Variants in BBX observed in about 807,000 individuals in gnomAD.
BBX encodes BBX high mobility group box domain containing, also known as HMG box transcription factor BBX.
BBX carries 30 observed loss-of-function variants against 100.2 expected under a neutral mutation model. The ratio of observed to expected loss-of-function variants is 0.30; its 90% CI spans 0.22 to 0.41. BBX has a LOEUF of 0.41. BBX is among the 10% of genes least tolerant of loss of function. The pLI, the probability that BBX is intolerant of heterozygous loss-of-function variation, is 1.00. For missense variants in BBX, 1,023 were observed against 1,129.8 expected (o/e 0.91, Z 1.35); for synonymous variants, 376 against 388.1 (o/e 0.97, Z 0.37).
chr3:107,737,263 A>G (rs1467135606), intron 7 of BBX, among the ~76,000 whole-genome samples: 1 of 151,494 alleles, frequency 6.6e-6, no homozygotes, highest in Non-Finnish European at 1.5e-5. Context: ...CATTTCTCCC[A>G]CAGGCTGATA....
chr3:107,675,496 G>T (rs1473762662), intron 3 of BBX, among the ~76,000 whole-genome samples: 1 of 152,098 alleles, frequency 6.6e-6, no homozygotes, highest in Non-Finnish European at 1.5e-5. Flanking sequence ...CAAAACCACT[G>T]ATCTGGATTG....
At chr3:107,733,100 C>A (rs1158822337) in intron 7 of BBX, 77 bp downstream of exon 7, 3 of 1,275,358 alleles carry the variant, frequency 2.4e-6, no homozygotes, top group South Asian at 1.3e-5. Flanking sequence ...TTACGTTGTT[C>A]ATTCTGCATT....
chr3:107,632,077 T>TTTG (rs34759490), intron 2 of BBX, among the ~76,000 whole-genome samples: 5 of 151,222 alleles, frequency 3.3e-5, no homozygotes, highest in Admixed American at 6.6e-5. Flanking sequence ...AAATGCTTTT[T>TTTG]TTGTTGTTGT....
Position 107,778,359 on chromosome 3 carries a change from C to T in BBX, c.2055-12C>T. The T allele has an allele frequency of 1.9e-6, 3 of 1,612,974 alleles. No homozygotes were observed. Among genetic ancestry groups the T allele is most frequent in the Non-Finnish European group, 2.5e-6 (3 of 1,179,274 alleles). ...TCATGTGCTGATTGATTCCCCTCTC[C>T]CCTTTTAATAGCTCCGCAAAGCTGG... On this transcript the variant is annotated splice_polypyrimidine_tract_variant and intron_variant, in intron 12 of 17. Coordinates refer to ENST00000325805, the MANE Select transcript of BBX (RefSeq NM_001142568.3).
In BBX at chr3:107,600,257, A is replaced by G. The variant is rs545993137; in HGVS notation, c.-83-45579A>G. On this transcript the variant is annotated intron_variant, in intron 2 of 17. Transcript: ENST00000325805. Reference sequence around the variant, plus strand: ...AGTATTAAGAACAAGACTATAACCAATACCTAAGGAAGCATGGAGAACTGT... The same window carrying G: ...AGTATTAAGAACAAGACTATAACCAGTACCTAAGGAAGCATGGAGAACTGT... Among the ~76,000 whole-genome samples the G allele has an allele frequency of 2.6e-5, 4 of 152,340 alleles. No individual in the cohort carries two copies. The South Asian group carries it at 8.3e-4, about 32-fold the overall frequency.
chr3:107,780,474 CT>C, intron 13 of BBX, among the ~76,000 whole-genome samples: 1 of 152,048 alleles, frequency 6.6e-6, no homozygotes. Context: ...AACAGTATTT[CT>C]TTTGATGTGA....
In BBX at chr3:107,808,213, G is replaced by A. The variant is rs1229405713; in HGVS notation, c.*2756G>A. The A allele has an allele frequency of 1.3e-5, 2 of 152,012 alleles. No individual in the cohort carries two copies. Among genetic ancestry groups the A allele is most frequent in the Non-Finnish European group, 2.9e-5 (2 of 68,018 alleles). The allele number at this position is 152,012 out of a possible 1,614,324, so 9.4% of individuals were successfully genotyped here. A position where few individuals can be genotyped will look rare whatever the true frequency, so the allele number is the denominator to read the frequency against. On this transcript the variant is annotated 3_prime_UTR_variant, in exon 18 of 18. Transcript: ENST00000325805. ...GCAGATACCATCTACACTAACATTT[G>A]TCCCACAGCATCCTCAAGAGAAAAA...
intron 2 of BBX, among the ~76,000 whole-genome samples, chr3:107,588,001 G>A (rs1366406471): frequency 6.6e-6 from 1 of 152,156 alleles, no homozygotes; most frequent in Non-Finnish European, 1.5e-5. Flanking sequence ...CAAGAGTCAC[G>A]ATTTTTAACA....
At chr3:107,693,285 C>G (rs1435820856) in intron 3 of BBX, among the ~76,000 whole-genome samples, 1 of 151,786 alleles carries the variant, frequency 6.6e-6, no homozygotes, top group Non-Finnish European at 1.5e-5. Context: ...TGCCTATGTC[C>G]TGAATGGTAA....
At chr3:107,625,854 G>A (rs2107707179) in intron 2 of BBX, among the ~76,000 whole-genome samples, 1 of 152,134 alleles carries the variant, frequency 6.6e-6, no homozygotes, top group South Asian at 2.1e-4. Context: ...TAGATTCAAA[G>A]GGTATGTGTG....
At chr3:107,766,755 A>G (rs917980269) in intron 10 of BBX, among the ~76,000 whole-genome samples, 3 of 152,224 alleles carry the variant, frequency 2.0e-5, no homozygotes, top group Non-Finnish European at 2.9e-5. Flanking sequence ...ACACATGCAC[A>G]TATATGTTTA....
intron 3 of BBX, among the ~76,000 whole-genome samples, chr3:107,691,841 G>A (rs1399850910): frequency 6.6e-6 from 1 of 152,174 alleles, no homozygotes; most frequent in Non-Finnish European, 1.5e-5. Context: ...GTGAAAGTAG[G>A]TGGGCGTTGC....
intron 6 of BBX, among the ~76,000 whole-genome samples, chr3:107,732,453 T>A (rs2063372389): frequency 6.6e-6 from 1 of 152,182 alleles, no homozygotes; most frequent in African/African-American, 2.4e-5. Flanking sequence ...AAAGAAAGAT[T>A]ATTTGAATAA....
Position 107,732,900 on chromosome 3 carries a change from G to A in BBX, c.602-56G>A, listed in dbSNP as rs933247592. 11 of 1,398,524 alleles carry A rather than the reference G, an allele frequency of 7.9e-6. No homozygotes were observed. In the South Asian group the frequency reaches 1.2e-4, roughly 15 times the overall value. The allele number at this position is 1,398,524 out of a possible 1,614,324, so 86.6% of individuals were successfully genotyped here. ...CTTTATGAGTATTCTTTTTGACTCT[G>A]TGGATTGTATGTACTTTATGCTTAT... On this transcript the variant is annotated intron_variant, in intron 6 of 17. Coordinates refer to ENST00000325805, the MANE Select transcript of BBX (RefSeq NM_001142568.3).
intron 2 of BBX, among the ~76,000 whole-genome samples, chr3:107,644,271 A>G (rs2057393855): frequency 6.6e-6 from 1 of 152,212 alleles, no homozygotes; most frequent in Admixed American, 6.5e-5. Context: ...CACTTCTTAA[A>G]GAGAAAATCC....
chr3:107,585,946 T>C (rs1453608385), intron 2 of BBX, among the ~76,000 whole-genome samples: 1 of 152,196 alleles, frequency 6.6e-6, no homozygotes, highest in Non-Finnish European at 1.5e-5. Context: ...TTACTCTTGG[T>C]TAGGGTCACA....
intron 3 of BBX, among the ~76,000 whole-genome samples, chr3:107,647,987 T>A (rs977616693): frequency 3.9e-5 from 6 of 152,196 alleles, no homozygotes; most frequent in Admixed American, 3.9e-4. Context: ...CTAGAGCATG[T>A]CACAGGGTGA....
intron 3 of BBX, among the ~76,000 whole-genome samples, chr3:107,690,893 T>C (rs375445332): frequency 4.8e-3 from 164 of 34,024 alleles, no homozygotes; most frequent in African/African-American, 0.014. Flanking sequence ...CCCCCCCCCC[T>C]TTTTTTTTTT....
chr3:107,529,159 A>G (rs1304470278), intron 2 of BBX, among the ~76,000 whole-genome samples: 2 of 152,240 alleles, frequency 1.3e-5, no homozygotes, highest in African/African-American at 4.8e-5. Context: ...AAATGCTCCA[A>G]ATTACTAAAT....
Sources: allele counts gnomAD v4.1 joint callset (sites outside exome capture counted in the v4.1 genomes callset), GRCh38; gene constraint gnomAD v4.1.1; transcripts MANE v1.5; gene names NCBI Gene and HGNC (gene_info 2026-07-23, HGNC 2026-07-21).